The following CSGALNACT2 variants were observed in gnomAD, a reference collection of about 807,000 sequenced individuals.
CSGALNACT2 encodes chondroitin sulfate N-acetylgalactosaminyltransferase 2.
In CSGALNACT2, 35 loss-of-function variants were observed where a neutral mutation model predicts 55.3. The observed-to-expected ratio is 0.63, with a 90% CI of 0.48 to 0.84. CSGALNACT2 has a LOEUF of 0.84. CSGALNACT2 is among the 40% of genes least tolerant of loss of function. CSGALNACT2 has a pLI of 0.00. For synonymous variants in CSGALNACT2, 196 were observed against 224.9 expected (o/e 0.87, Z 1.15); for missense variants, 544 against 657.5 (o/e 0.83, Z 1.89).
intron 2 of CSGALNACT2, among the ~76,000 whole-genome samples, chr10:43,156,665 C>T (rs2133114551): frequency 6.6e-6 from 1 of 152,366 alleles, no homozygotes; most frequent in Admixed American, 6.5e-5. Flanking sequence ...AACTGTTCCA[C>T]CTCAGATCAT....
At chr10:43,152,972 A>G (rs1156755274) in intron 1 of CSGALNACT2, among the ~76,000 whole-genome samples, 1 of 152,136 alleles carries the variant, frequency 6.6e-6, no homozygotes, top group Non-Finnish European at 1.5e-5. Flanking sequence ...TTTTGATTAG[A>G]TGGTATTTCT....
At chr10:43,144,249 A>T (rs1485269242) in intron 1 of CSGALNACT2, among the ~76,000 whole-genome samples, 1 of 152,228 alleles carries the variant, frequency 6.6e-6, no homozygotes, top group African/African-American at 2.4e-5. Context: ...GACATACTGC[A>T]TGCAATGTAC....
intron 1 of CSGALNACT2, among the ~76,000 whole-genome samples, chr10:43,151,533 T>C (rs1410928772): frequency 6.6e-6 from 1 of 152,192 alleles, no homozygotes; most frequent in Admixed American, 6.5e-5. Flanking sequence ...TGCTGGGTTC[T>C]GTGTCCTCTA....
intron 5 of CSGALNACT2, 29 bp downstream of exon 5, chr10:43,164,073 C>T (rs1317653850): frequency 1.3e-6 from 2 of 1,583,834 alleles, no homozygotes; most frequent in East Asian, 2.3e-5. Context: ...GATGAGCTGA[C>T]TATAGAATTT....
intron 6 of CSGALNACT2, 107 bp downstream of exon 6, chr10:43,167,205 C>CAA (rs760843102): frequency 1.4e-6 from 1 of 709,320 alleles, no homozygotes; most frequent in African/African-American, 1.8e-5. Context: ...TTTCCATGAG[C>CAA]AAAGTGTTAA....
At chr10:43,179,166 A>G (rs181402002) in intron 7 of CSGALNACT2, among the ~76,000 whole-genome samples, 4 of 151,196 alleles carry the variant, frequency 2.6e-5, no homozygotes, top group African/African-American at 9.7e-5. Context: ...TTCTTTGAAC[A>G]TACTTACAAT....
At chr10:43,162,928 C>G in intron 4 of CSGALNACT2, 1 of 985,376 alleles carries the variant, frequency 1.0e-6, no homozygotes, top group African/African-American at 1.7e-5. Flanking sequence ...GGATACTGAC[C>G]AATTTCTTTA....
At chr10:43,143,700 G>A (rs1370814646) in intron 1 of CSGALNACT2, among the ~76,000 whole-genome samples, 1 of 152,098 alleles carries the variant, frequency 6.6e-6, no homozygotes, top group Non-Finnish European at 1.5e-5. Flanking sequence ...TTTTTGCTGT[G>A]CCACAGTTTG....
intron 7 of CSGALNACT2, among the ~76,000 whole-genome samples, chr10:43,180,095 A>G (rs1385630178): frequency 6.6e-6 from 1 of 152,168 alleles, no homozygotes; most frequent in Non-Finnish European, 1.5e-5. Context: ...GAGGACCCCC[A>G]GTATTCTCAG....
At chr10:43,162,186 T>G (rs1026023238) in intron 4 of CSGALNACT2, 2 of 519,144 alleles carry the variant, frequency 3.9e-6, no homozygotes, top group African/African-American at 3.8e-5. Context: ...GTTGACTTCA[T>G]TCTCCTGTTG....
chr10:43,183,607 C>T lies in CSGALNACT2; in HGVS notation c.*65C>T, dbSNP rs1469261488. ...CACTATTTATTTAGCCTTACTTCTA[C>T]TTCCAGATGCAGTGCCTCTTTTGGA... On this transcript the variant is annotated 3_prime_UTR_variant, in exon 8 of 8. Coordinates refer to ENST00000374466, the MANE Select transcript of CSGALNACT2 (RefSeq NM_018590.5). 1 of 1,322,684 alleles carries T rather than the reference C, an allele frequency of 7.6e-7. No individual in the cohort carries two copies. Among genetic ancestry groups the T allele is most frequent in the Non-Finnish European group, 1.1e-6 (1 of 931,864 alleles). 81.9% of individuals were successfully genotyped at this position (1,322,684 alleles called of 1,614,324 possible). A position where few individuals can be genotyped will look rare whatever the true frequency, so the allele number is the denominator to read the frequency against.
intron 7 of CSGALNACT2, among the ~76,000 whole-genome samples, chr10:43,180,115 C>T (rs766470241): frequency 5.9e-5 from 9 of 152,190 alleles, no homozygotes; most frequent in Non-Finnish European, 8.8e-5. Context: ...GCTGGCCACA[C>T]CTGGAAGTGG....
chr10:43,173,923 C>T (rs1839430333), intron 6 of CSGALNACT2, among the ~76,000 whole-genome samples: 1 of 152,044 alleles, frequency 6.6e-6, no homozygotes, highest in African/African-American at 2.4e-5. Flanking sequence ...AACCTGGGAG[C>T]TGGAGGTTGC....
intron 4 of CSGALNACT2, chr10:43,163,155 A>G: frequency 1.0e-6 from 1 of 985,398 alleles, no homozygotes; most frequent in Non-Finnish European, 1.2e-6. Flanking sequence ...TGAATTCAAC[A>G]TTTTAACCAA....
In CSGALNACT2 at chr10:43,163,848, TG is replaced by T. The variant is rs775018705; in HGVS notation, c.981-17del. 3.1e-6 allele frequency: 5 copies of T among 1,600,140 alleles called. No homozygotes were observed. The highest frequency in any genetic ancestry group is 3.4e-6 in the Non-Finnish European group (4 of 1,171,004). On this transcript the variant is annotated splice_polypyrimidine_tract_variant and intron_variant, in intron 4 of 7. Transcript: ENST00000374466. ...TTTAAGTGGGACTTATCATTTGTTGTGTGTGCTTTCCTCATAGTGAGTCTAA... is the reference window on the plus strand; with the variant it reads ...TTTAAGTGGGACTTATCATTTGTTGTTGTGCTTTCCTCATAGTGAGTCTAA...
chr10:43,155,918 A>G, intron 2 of CSGALNACT2, 108 bp downstream of exon 2: 1 of 956,768 alleles, frequency 1.0e-6, no homozygotes, highest in Non-Finnish European at 1.5e-6. Context: ...CTAGTATTGT[A>G]TTGTAGACAA....
rs1318529322 is a variant in CSGALNACT2, at chr10:43,183,402, G to A, written c.1489G>A (p.Glu497Lys). Residue 497 changes from glutamate to lysine, a missense_variant, in exon 8 of 8, where the codon GAG becomes AAG. Around this residue, in one of 2 missense-constraint regions of CSGALNACT2, gnomAD observed 170 missense variants for 256.2 expected, o/e 0.66. Coordinates refer to ENST00000374466, the MANE Select transcript of CSGALNACT2 (RefSeq NM_018590.5). ...GCGCTGTGCTGATGAGCTGACCCCCGAGCAGTACCGCATGTGCATCCAGTC... is the reference window on the plus strand; with the variant it reads ...GCGCTGTGCTGATGAGCTGACCCCCAAGCAGTACCGCATGTGCATCCAGTC... ...EKRCADELTPEQYRMCIQSKA... is the reference protein window; with the variant it reads ...EKRCADELTPKQYRMCIQSKA... The A allele has an allele frequency of 1.9e-6, 3 of 1,613,954 alleles. No individual in the cohort carries two copies. Among genetic ancestry groups the A allele is most frequent in the Admixed American group, 1.7e-5 (1 of 59,988 alleles).
At position 43,183,264 on chromosome 10, in the gene CSGALNACT2, G is replaced by T; in HGVS notation, c.1351G>T (p.Glu451Ter). 6.2e-7 allele frequency: 1 copy of T among 1,613,084 alleles called. No individual in the cohort carries two copies. Among genetic ancestry groups the T allele is most frequent in the South Asian group, 1.1e-5 (1 of 91,052 alleles). The change falls in exon 8 of 8, where the codon GAA (glutamate) becomes TAA (stop). Residue 451 changes from glutamate to a stop codon, truncating the protein, a stop_gained. Transcript: ENST00000374466. LOFTEE classifies it high-confidence loss of function. Reference protein sequence around the residue: ...DFLTIGGFDMEVKGWGGEDVH... With the variant: ...DFLTIGGFDM ...TGATCTTACAGGTGGATTTGACATG[G>T]AAGTGAAAGGTTGGGGTGGAGAAGA... is the stretch of plus-strand genomic sequence containing the variant.
At chr10:43,179,068 T>C (rs1321350536) in intron 7 of CSGALNACT2, among the ~76,000 whole-genome samples, 2 of 152,090 alleles carry the variant, frequency 1.3e-5, no homozygotes, top group African/African-American at 4.8e-5. Context: ...ATGTGGTTCT[T>C]TTGATATATA....
Sources: gnomAD v4.1 joint callset for allele counts (sites outside exome capture counted in the v4.1 genomes callset) on GRCh38, gnomAD v4.1.1 for gene constraint, gnomAD v4.1.1 regional missense constraint, MANE v1.5 for transcripts, NCBI Gene and HGNC (gene_info 2026-07-23, HGNC 2026-07-21) for gene names.